SLC14A2: variants seen among roughly 807,000 people sequenced by gnomAD.
SLC14A2 encodes urea transporter 2.
Under a neutral mutation model 104.6 loss-of-function variants are expected in SLC14A2, and 91 were observed. That is an observed-to-expected ratio of 0.87 (90% confidence interval 0.73 to 1.04). The LOEUF (loss-of-function observed/expected upper bound fraction) is 1.04, where lower values mean the gene tolerates loss of function less well. Among genes scored for constraint, SLC14A2 ranks in the 50% least tolerant of loss-of-function variants. The pLI is 0.00. For synonymous variants in SLC14A2, 476 were observed against 466.4 expected (o/e 1.02, Z -0.27); for missense variants, 1,189 against 1,156.0 (o/e 1.03, Z -0.41).
the SLC14A2 span, among the ~76,000 whole-genome samples, chr18:45,170,587 G>A: frequency 7.2e-5 from 11 of 152,294 alleles, no homozygotes; most frequent in South Asian, 2.3e-3. Flanking sequence ...TTAAAGTGTA[G>A]CTAGGACAAA....
At chr18:45,244,341 G>A (rs55772547) in intron 1 of SLC14A2, among the ~76,000 whole-genome samples, 1 of 151,954 alleles carries the variant, frequency 6.6e-6, no homozygotes, top group Non-Finnish European at 1.5e-5. Flanking sequence ...GGGGAGGGGG[G>A]TGGTGCTGGG....
Position 45,466,918 on chromosome 18 carries a change from C to G in SLC14A2, c.-124-16315C>G, listed in dbSNP as rs192836094. Among the ~76,000 whole-genome samples, 895 of 152,098 alleles carry G rather than the reference C, an allele frequency of 5.9e-3. 3 individuals carry two copies. The highest frequency in any genetic ancestry group is 9.9e-3 in the Non-Finnish European group (674 of 68,002). ...CAGATGGGCACATCTGTTAACAAAG[C>G]AGGTAGAGAACCCTTCTCCCGCGGA... is the stretch of plus-strand genomic sequence containing the variant. On this transcript the variant is annotated intron_variant, in intron 1 of 20. Coordinates refer to the SLC14A2 transcript ENST00000586448.
At chr18:45,523,838 G>T (rs2043552863) in intron 2 of SLC14A2, among the ~76,000 whole-genome samples, 1 of 152,132 alleles carries the variant, frequency 6.6e-6, no homozygotes, top group Non-Finnish European at 1.5e-5. Context: ...CATTTGTTGA[G>T]AACTTACCCT....
chr18:45,350,898 A>T (rs187203365), intron 1 of SLC14A2, among the ~76,000 whole-genome samples: 32 of 152,320 alleles, frequency 2.1e-4, no homozygotes, highest in African/African-American at 7.0e-4. Context: ...GAAGCAAAAA[A>T]TATAAATTTC....
intron 2 of SLC14A2, among the ~76,000 whole-genome samples, chr18:45,547,791 A>G (rs980846690): frequency 1.3e-5 from 2 of 152,378 alleles, no homozygotes; most frequent in East Asian, 3.9e-4. Context: ...GTTGAAGCCC[A>G]GTATTGATCT....
chr18:45,662,215 T>C (rs899897532), intron 10 of SLC14A2, among the ~76,000 whole-genome samples: 15 of 152,102 alleles, frequency 9.9e-5, no homozygotes, highest in Admixed American at 8.5e-4. Context: ...AGGCAGGGAA[T>C]TGCTTGAATC....
At chr18:45,535,270 C>T (rs1598973036) in intron 2 of SLC14A2, among the ~76,000 whole-genome samples, 2 of 152,156 alleles carry the variant, frequency 1.3e-5, no homozygotes, top group East Asian at 1.9e-4. Context: ...GATTATTTTA[C>T]GTACCTCCAT....
chr18:45,632,741 A>G (rs1489302398), intron 5 of SLC14A2, among the ~76,000 whole-genome samples: 1 of 152,116 alleles, frequency 6.6e-6, no homozygotes, highest in Non-Finnish European at 1.5e-5. Context: ...GCAGTGGCGC[A>G]ATCTCGGCTC....
chr18:45,555,144 A>G (rs548706549), intron 2 of SLC14A2, among the ~76,000 whole-genome samples: 4 of 152,338 alleles, frequency 2.6e-5, no homozygotes, highest in Non-Finnish European at 4.4e-5. Flanking sequence ...CTGGTTTCTC[A>G]GCTATAAGGG....
the SLC14A2 span, among the ~76,000 whole-genome samples, chr18:45,183,628 TC>T: frequency 2.0e-5 from 3 of 149,214 alleles, no homozygotes; most frequent in African/African-American, 7.4e-5. Flanking sequence ...CTGAGCCTTT[TC>T]TTTCCTTTCT....
chr18:45,260,317 A>G (rs772008658), intron 1 of SLC14A2, among the ~76,000 whole-genome samples: 2 of 152,184 alleles, frequency 1.3e-5, no homozygotes, highest in Non-Finnish European at 2.9e-5. Flanking sequence ...AGAAGAATTA[A>G]ATAGTATTCT....
At chr18:45,189,854 T>C in the SLC14A2 span, among the ~76,000 whole-genome samples, 2 of 152,076 alleles carry the variant, frequency 1.3e-5, no homozygotes, top group African/African-American at 4.8e-5. Context: ...GGAGTATGTG[T>C]GTCAGTAGGC....
At chr18:45,453,209 C>G (rs2086885268) in intron 1 of SLC14A2, among the ~76,000 whole-genome samples, 1 of 152,178 alleles carries the variant, frequency 6.6e-6, no homozygotes, top group African/African-American at 2.4e-5. Flanking sequence ...GTCCCACTAG[C>G]TGTCCCCAAA....
At chr18:45,364,568 A>G (rs554999950) in intron 1 of SLC14A2, among the ~76,000 whole-genome samples, 2 of 152,330 alleles carry the variant, frequency 1.3e-5, no homozygotes, top group Non-Finnish European at 2.9e-5. Flanking sequence ...ACAAAAATGT[A>G]TATATGAAAT....
intron 1 of SLC14A2, among the ~76,000 whole-genome samples, chr18:45,290,676 C>T (rs1295651620): frequency 6.6e-6 from 1 of 152,176 alleles, no homozygotes; most frequent in Non-Finnish European, 1.5e-5. Context: ...CGTGAGAAAG[C>T]ATGTAAACTA....
intron 2 of SLC14A2, among the ~76,000 whole-genome samples, chr18:45,568,781 C>T (rs1323230349): frequency 6.6e-6 from 1 of 152,126 alleles, no homozygotes; most frequent in East Asian, 1.9e-4. Context: ...TGTCTTAATC[C>T]ACAGAGACTT....
intron 1 of SLC14A2, among the ~76,000 whole-genome samples, chr18:45,440,935 A>G (rs891969144): frequency 1.3e-5 from 2 of 152,142 alleles, no homozygotes; most frequent in African/African-American, 4.8e-5. Context: ...AATAAACAGC[A>G]TCCTCCCTGA....
intron 2 of SLC14A2, among the ~76,000 whole-genome samples, chr18:45,586,531 T>C (rs2044569249): frequency 6.6e-6 from 1 of 152,198 alleles, no homozygotes; most frequent in African/African-American, 2.4e-5. Flanking sequence ...GGCTGCTGAA[T>C]GGAGAATATT....
chr18:45,234,078 CAATT>C (rs770237376), intron 1 of SLC14A2, among the ~76,000 whole-genome samples: 1 of 151,918 alleles, frequency 6.6e-6, no homozygotes, highest in Non-Finnish European at 1.5e-5. Context: ...CAGCCAGAAT[CAATT>C]ATTCTTCCTG....
Sources: allele counts gnomAD v4.1 joint callset (sites outside exome capture counted in the v4.1 genomes callset), GRCh38; gene constraint gnomAD v4.1.1; transcripts MANE v1.5; gene names NCBI Gene and HGNC (gene_info 2026-07-23, HGNC 2026-07-21).